IVD: variants seen among roughly 807,000 people sequenced by gnomAD.
IVD encodes isovaleryl-CoA dehydrogenase, mitochondrial.
A neutral mutation model predicts 51.3 loss-of-function variants in IVD; 31 were observed. That is an observed-to-expected ratio of 0.60 (90% CI 0.45 to 0.81). IVD has a LOEUF of 0.81. IVD is among the 40% of genes least tolerant of loss of function. The probability of loss-of-function intolerance (pLI) is 0.00; values close to 1 mark genes in which losing one functional copy is unlikely to be tolerated. For synonymous variants in IVD, 205 were observed against 219.4 expected, an observed-to-expected ratio of 0.93 and a Z score of 0.58; for missense variants, 475 against 552.0, an observed-to-expected ratio of 0.86 and a Z score of 1.40.
downstream of IVD, among the ~76,000 whole-genome samples, chr15:40,426,486 C>G (rs552529588): frequency 6.7e-6 from 1 of 149,750 alleles, no homozygotes; most frequent in Admixed American, 6.7e-5. Flanking sequence ...TGCAGTGAGC[C>G]GAGATCACAC....
chr15:40,418,731 G>A lies in IVD; in HGVS notation c.*468G>A. Reference sequence around the variant, plus strand: ...GGCCCCTCTCCATGAATTGGAACTTGGTACAGGTTAAGTATCCCTAATCCT... The same window carrying A: ...GGCCCCTCTCCATGAATTGGAACTTAGTACAGGTTAAGTATCCCTAATCCT... On this transcript the variant is annotated 3_prime_UTR_variant, in exon 12 of 12. Coordinates refer to ENST00000487418, the MANE Select transcript of IVD (RefSeq NM_002225.5). 9.1e-7 allele frequency: 1 copy of A among 1,104,896 alleles called. No individual in the cohort carries two copies. Among genetic ancestry groups the A allele is most frequent in the Non-Finnish European group, 1.1e-6 (1 of 901,060 alleles). The allele number at this position is 1,104,896 out of a possible 1,614,324, so 68.4% of individuals were successfully genotyped here.
rs942356614 is a variant in IVD at position 40,435,555 on chromosome 15, C to T, written c.920C>T (p.Pro307Leu). 3 of 1,162,754 alleles carry T rather than the reference C, an allele frequency of 2.6e-6. No individual in the cohort carries two copies. In the Admixed American group the frequency reaches 9.5e-5, roughly 37 times the overall value. The allele number at this position is 1,162,754 out of a possible 1,614,324, so 72.0% of individuals were successfully genotyped here. The change falls in exon 9 of 9, where the codon CCC (proline) becomes CTC (leucine). Residue 307 changes from proline to leucine, a missense_variant. Physicochemically the swap from Pro to Leu is moderately conservative, Grantham distance 98 (BLOSUM62 -3). Transcript: ENST00000473112. ...GAACTCACACCCCGCGTGCTGCTCCCCCAACTCGCCTCTTGGATCTCAGAC... is the reference window on the plus strand; with the variant it reads ...GAACTCACACCCCGCGTGCTGCTCCTCCAACTCGCCTCTTGGATCTCAGAC...
chr15:40,434,930 C>T (rs759220038), intron 8 of IVD, among the ~76,000 whole-genome samples: 9 of 152,204 alleles, frequency 5.9e-5, no homozygotes, highest in Non-Finnish European at 1.0e-4. Flanking sequence ...TGGGGTCAGC[C>T]TCTCCAAGCT....
In IVD at chr15:40,407,638, T is replaced by C. The variant is rs2141301309; in HGVS notation, c.147T>C (p.Leu49=). The change falls in exon 2 of 12, where the codon CTT becomes CTC. Residue 49 remains leucine, a splice_region_variant and synonymous_variant. Coordinates refer to ENST00000487418, the MANE Select transcript of IVD (RefSeq NM_002225.5). ...TCTGTTTACCTCTCTCCTATTAGCT[T>C]CGTCAGACCATGGCTAAGTTCCTTC... ...INGLSEEQRQ[L]RQTMAKFLQE... is the part of the protein sequence containing the mutation. 1 of 1,613,816 alleles carries C rather than the reference T, an allele frequency of 6.2e-7. No individual in the cohort carries two copies. Among genetic ancestry groups the C allele is most frequent in the Non-Finnish European group, 8.5e-7 (1 of 1,179,688 alleles).
intron 9 of IVD, 70 bp downstream of exon 9, chr15:40,415,552 T>G: frequency 7.4e-7 from 1 of 1,342,404 alleles, no homozygotes; most frequent in Non-Finnish European, 1.1e-6. Context: ...AGAGAGGAAG[T>G]GAGGTGGGCA....
At chr15:40,414,373 C>T (rs921217874) in intron 7 of IVD, 5 of 177,186 alleles carry the variant, frequency 2.8e-5, no homozygotes, top group Non-Finnish European at 5.0e-5. Context: ...CCTCCCAAGG[C>T]CATCCAGTCT....
downstream of IVD, among the ~76,000 whole-genome samples, chr15:40,424,850 TA>T (rs1892574478): frequency 6.6e-6 from 1 of 152,242 alleles, no homozygotes; most frequent in African/African-American, 2.4e-5. Flanking sequence ...GGGCTCACAG[TA>T]AGTGCTCAGT....
In IVD at chr15:40,418,868, C is replaced by T. The variant is rs1892001906; in HGVS notation, c.*605C>T. 4 of 733,134 alleles carry T rather than the reference C, an allele frequency of 5.5e-6. No individual in the cohort carries two copies. The South Asian group carries it at 7.9e-5, about 15-fold the overall frequency. 45.4% of individuals were successfully genotyped at this position (733,134 alleles called of 1,614,324 possible). A position where few individuals can be genotyped will look rare whatever the true frequency, so the allele number is the denominator to read the frequency against. On this transcript the variant is annotated 3_prime_UTR_variant, in exon 12 of 12. Transcript: ENST00000487418. ...CCTAGCCTAGCCAGGCGTGGTGGCT[C>T]ATGCTTGTAATCCCAGCACTTCAGG... is the stretch of plus-strand genomic sequence containing the variant.
chr15:40,426,011 A>G (rs377112449), downstream of IVD, among the ~76,000 whole-genome samples: 15 of 145,630 alleles, frequency 1.0e-4, 1 homozygote, highest in African/African-American at 3.8e-4. Context: ...GGGTCTCACT[A>G]TGTTGCCCAG....
chr15:40,420,521 G>A lies in IVD; in HGVS notation c.*2258G>A. On this transcript the variant is annotated 3_prime_UTR_variant, in exon 12 of 12. Transcript: ENST00000487418. Reference sequence around the variant, plus strand: ...CAGCTTGTGTCCTTGGAGAGTGGCTGGCCCAGGTCCTATTCCTGTCCTCCA... The same window carrying A: ...CAGCTTGTGTCCTTGGAGAGTGGCTAGCCCAGGTCCTATTCCTGTCCTCCA... 2.0e-6 allele frequency: 2 copies of A among 987,626 alleles called. No individual in the cohort carries two copies. The highest frequency in any genetic ancestry group is 2.4e-6 in the Non-Finnish European group (2 of 830,114). 61.2% of individuals were successfully genotyped at this position (987,626 alleles called of 1,614,324 possible).
downstream of IVD, among the ~76,000 whole-genome samples, chr15:40,423,128 G>A (rs993714840): frequency 2.6e-5 from 4 of 151,008 alleles, no homozygotes; most frequent in African/African-American, 9.7e-5. Context: ...TTGTAGAGCC[G>A]GGCTTTCACC....
chr15:40,413,065 C>A lies in IVD; in HGVS notation c.762C>A (p.Ile254=). 1 of 1,613,812 alleles carries A rather than the reference C, an allele frequency of 6.2e-7. No individual in the cohort carries two copies. Among genetic ancestry groups the A allele is most frequent in the Non-Finnish European group, 8.5e-7 (1 of 1,179,856 alleles). ...GMRGSNTCEL[I]FEDCKIPAAN... Reference sequence around the variant, plus strand: ...GGGGCTCTAACACCTGTGAGCTAATCTTTGAAGACTGCAAGATTCCTGGTA... The same window carrying A: ...GGGGCTCTAACACCTGTGAGCTAATATTTGAAGACTGCAAGATTCCTGGTA... The change falls in exon 7 of 12, where the codon ATC becomes ATA. Residue 254 remains isoleucine, a synonymous_variant. Coordinates refer to ENST00000487418, the MANE Select transcript of IVD (RefSeq NM_002225.5).
intron 7 of IVD, among the ~76,000 whole-genome samples, chr15:40,413,554 T>C (rs928798979): frequency 6.6e-6 from 1 of 151,882 alleles, no homozygotes; most frequent in Admixed American, 6.6e-5. Flanking sequence ...TGAGTATGAG[T>C]ATTTTCTCCC....
At chr15:40,412,304 C>A (rs950660341) in intron 6 of IVD, among the ~76,000 whole-genome samples, 1 of 152,180 alleles carries the variant, frequency 6.6e-6, no homozygotes, top group East Asian at 1.9e-4. Context: ...ACTTGCCTAA[C>A]GATCATGAGG....
At chr15:40,425,303 T>C (rs1892604894), downstream of IVD, among the ~76,000 whole-genome samples, 1 of 151,970 alleles carries the variant, frequency 6.6e-6, no homozygotes. Flanking sequence ...TGACATATTC[T>C]CCCCAGGGGA....
intron 11 of IVD, among the ~76,000 whole-genome samples, chr15:40,417,813 T>C (rs967101923): frequency 6.6e-6 from 1 of 152,242 alleles, no homozygotes; most frequent in Non-Finnish European, 1.5e-5. Context: ...GTATTTGTTA[T>C]TATTGTTGAT....
chr15:40,420,726 T>C lies in IVD; in HGVS notation c.*2463T>C. 1.0e-6 allele frequency: 1 copy of C among 985,960 alleles called. No homozygotes were observed. Among genetic ancestry groups the C allele is most frequent in the East Asian group, 1.1e-4 (1 of 8,818 alleles). The allele number at this position is 985,960 out of a possible 1,614,324, so 61.1% of individuals were successfully genotyped here. A position where few individuals can be genotyped will look rare whatever the true frequency, so the allele number is the denominator to read the frequency against. ...AACCGCCCCTTTGTTTTTAAAAAGATCAACACAATTTGACTTTCTCAAGGT... is the reference window on the plus strand; with the variant it reads ...AACCGCCCCTTTGTTTTTAAAAAGACCAACACAATTTGACTTTCTCAAGGT... On this transcript the variant is annotated 3_prime_UTR_variant, in exon 12 of 12. Coordinates refer to ENST00000487418, the MANE Select transcript of IVD (RefSeq NM_002225.5).
rs1462096457 is a variant in IVD at position 40,411,309 on chromosome 15, C to CT, written c.506_507insT (p.Gly170ArgfsTer3). On this transcript the variant is annotated frameshift_variant, in exon 5 of 12. Transcript: ENST00000487418. LOFTEE classifies it high-confidence loss of function. Reference sequence around the variant, plus strand: ...GCCCTGGCCATGAGTGAGCCCAATGCAGGCTCTGATGTTGTCTCTATGAAG... The same window carrying CT: ...GCCCTGGCCATGAGTGAGCCCAATGCTAGGCTCTGATGTTGTCTCTATGAAG... 2.5e-6 allele frequency: 4 copies of CT among 1,614,016 alleles called. No individual in the cohort carries two copies. The highest frequency in any genetic ancestry group is 3.4e-6 in the Non-Finnish European group (4 of 1,180,036).
intron 4 of IVD, 139 bp downstream of exon 4, chr15:40,410,936 T>C (rs1595769810): frequency 9.4e-7 from 1 of 1,062,320 alleles, no homozygotes; most frequent in Non-Finnish European, 1.4e-6. Context: ...GAAGGGGCCA[T>C]GGATTGCTTT....
Sources: allele counts gnomAD v4.1 joint callset (sites outside exome capture counted in the v4.1 genomes callset), GRCh38; gene constraint gnomAD v4.1.1; transcripts MANE v1.5; gene names NCBI Gene and HGNC (gene_info 2026-07-23, HGNC 2026-07-21).